Variants in RAB24 observed in about 807,000 individuals in gnomAD.
The protein encoded by RAB24 is ras-related protein Rab-24.
Under a neutral mutation model 31.4 loss-of-function variants are expected in RAB24, and 9 were observed. The observed-to-expected ratio is 0.29, with a 90% CI of 0.17 to 0.50. The LOEUF (loss-of-function observed/expected upper bound fraction) is 0.50, where lower values mean the gene tolerates loss of function less well. RAB24 is among the 20% of genes least tolerant of loss of function. RAB24 has a pLI of 0.98. For missense variants in RAB24, 197 were observed against 265.2 expected (o/e 0.74, Z 1.79); for synonymous variants, 106 against 94.1 (o/e 1.13, Z -0.73).
At position 177,302,590 on chromosome 5, in the gene RAB24, C is replaced by G. The variant is rs200543182; in HGVS notation, c.320G>C (p.Arg107Pro). ...CTGTTCACCTACCTCCTCTAGGCTG[C>G]GCAGTTCCTTCACCCAGAACTTTGC... ...ERAKFWVKEL[R>P]SLEEGCQIYL... The change falls in exon 4 of 8, where the codon CGC becomes CCC. Residue 107 changes from arginine (R) to proline (P), a missense_variant. By Grantham distance (103) the Arg-to-Pro change is moderately radical (BLOSUM62 -2). Transcript: ENST00000303251. 5 of 1,614,194 alleles carry G rather than the reference C, an allele frequency of 3.1e-6. No homozygotes were observed. The South Asian group carries it at 5.5e-5, about 18-fold the overall frequency.
chr5:177,302,170 C>T lies in RAB24; in HGVS notation c.442G>A (p.Ala148Thr). ...DVQDYADNIKAQLFETSSKTG... is the reference protein window; with the variant it reads ...DVQDYADNIKTQLFETSSKTG... ...TTGCTGGATGTTTCAAAGAGCTGAG[C>T]TTTGATATCTGTAAAGAGAAGTGAC... Residue 148 changes from alanine (A) to threonine (T), a missense_variant, in exon 6 of 8, where the codon GCT becomes ACT. This residue lies in a region of RAB24 where 148 missense variants were observed against 159.7 expected (regional missense o/e 0.93). Transcript: ENST00000303251. The T allele has an allele frequency of 6.2e-7, 1 of 1,614,158 alleles. No homozygotes were observed. Among genetic ancestry groups the T allele is most frequent in the Non-Finnish European group, 8.5e-7 (1 of 1,179,996 alleles).
At position 177,303,471 on chromosome 5, in the gene RAB24, C is replaced by T. The variant is rs1418123108; in HGVS notation, c.-183G>A. 3.2e-6 allele frequency: 2 copies of T among 617,406 alleles called. No individual in the cohort carries two copies. The highest frequency in any genetic ancestry group is 5.7e-6 in the Non-Finnish European group (2 of 351,572). 38.2% of individuals were successfully genotyped at this position (617,406 alleles called of 1,614,324 possible). The stretch of plus-strand genomic sequence containing the variant: ...GTGGCCTTGCACTTCGGCAGCGCCC[C>T]GTGTGCCCCCGCTGTTCGGCCCCGG... On this transcript the variant is annotated 5_prime_UTR_variant, in exon 1 of 8. Transcript: ENST00000303251. The surrounding 1 kb of genome is among the most constrained non-coding windows in gnomAD (Gnocchi z 6.1).
chr5:177,303,101 G>C lies in RAB24; in HGVS notation c.118-24C>G. ...GTCTGCAACGAGAGGGAAGAGATCG[G>C]GGCCATAGGTGCAGATTACCGGCCC... On this transcript the variant is annotated intron_variant, in intron 1 of 7. Transcript: ENST00000303251. The surrounding 1 kb of genome is among the most constrained non-coding windows in gnomAD (Gnocchi z 6.1). 6.2e-7 allele frequency: 1 copy of C among 1,613,960 alleles called. No homozygotes were observed. The highest frequency in any genetic ancestry group is 1.3e-5 in the African/African-American group (1 of 75,046).
rs1168992020 is a variant in RAB24, at chr5:177,303,220, C to G, written c.69G>C (p.Leu23=). The change falls in exon 1 of 8, where the codon CTG becomes CTC. Residue 23 remains leucine, a synonymous_variant. Coordinates refer to ENST00000303251, the MANE Select transcript of RAB24 (RefSeq NM_001031677.4). The surrounding 1 kb of genome is among the most constrained non-coding windows in gnomAD (Gnocchi z 6.1). ...AGCGGTCGTGCACGTAGCGCTCCAC[C>G]AGGCTAGTCTTGCCCACGTACTCCT... ...LGKEYVGKTS[L]VERYVHDRFL... is the part of the protein sequence containing the mutation. The G allele has an allele frequency of 1.8e-5, 29 of 1,613,746 alleles. 1 individual carries two copies. The highest frequency in any genetic ancestry group is 2.2e-5 in the Non-Finnish European group (26 of 1,180,048).
chr5:177,302,136 T>C lies in RAB24; in HGVS notation c.476A>G (p.Gln159Arg), dbSNP rs1294967508. 1.2e-6 allele frequency: 2 copies of C among 1,614,184 alleles called. No homozygotes were observed. Among genetic ancestry groups the C allele is most frequent in the East Asian group, 2.2e-5 (1 of 44,890 alleles). Residue 159 changes from glutamine to arginine, a missense_variant, in exon 6 of 8, where the codon CAG (glutamine) becomes CGG (arginine). Transcript: ENST00000303251. ...QLFETSSKTG[Q>R]SVDELFQKVA... The stretch of plus-strand genomic sequence containing the variant: ...TCCAGCACAGCACTCACCCACACTC[T>C]GGCCTGTCTTGCTGGATGTTTCAAA...
intron 2 of RAB24, 86 bp from the exon 3 acceptor site, chr5:177,302,916 T>C (rs1428636098): frequency 6.3e-7 from 1 of 1,592,170 alleles, no homozygotes; most frequent in African/African-American, 1.3e-5. Context: ...CTATGAGAAA[T>C]GGGTCTGTGA....
intron 3 of RAB24, 51 bp downstream of exon 3, chr5:177,302,701 C>T (rs748835963): frequency 2.5e-6 from 4 of 1,612,940 alleles, no homozygotes; most frequent in Non-Finnish European, 3.4e-6. Flanking sequence ...CTCTGGCTAG[C>T]CTGGCACCCA....
At chr5:177,302,059 C>A (rs1279688269) in intron 6 of RAB24, 69 bp downstream of exon 6, 2 of 1,610,276 alleles carry the variant, frequency 1.2e-6, no homozygotes, top group Non-Finnish European at 8.5e-7. Flanking sequence ...ACCCAGCCCT[C>A]TGTGCCCTAT....
chr5:177,302,240 G>A (rs1171333849), intron 5 of RAB24, 62 bp from the exon 6 acceptor site: 6 of 1,595,402 alleles, frequency 3.8e-6, no homozygotes, highest in Non-Finnish European at 5.2e-6. Flanking sequence ...AAAAGGGAGG[G>A]CTAGCAGTTC....
rs9313754 is a variant in RAB24, at chr5:177,303,677, C to G, written c.-389G>C. 0.19 allele frequency: 67,928 copies of G among 364,948 alleles called. 7,792 individuals carry two copies. The highest frequency in any genetic ancestry group is 0.43 in the East Asian group (8,891 of 20,570). 22.6% of individuals were successfully genotyped at this position (364,948 alleles called of 1,614,324 possible). ...GAACCTGGGGTCTCCCGCAACCCGG[C>G]TCCTACCCGCAGCGCCGCGACTCCC... On this transcript the variant is annotated 5_prime_UTR_variant, in exon 1 of 8. Coordinates refer to ENST00000303251, the MANE Select transcript of RAB24 (RefSeq NM_001031677.4). The surrounding 1 kb of genome is among the most constrained non-coding windows in gnomAD (Gnocchi z 6.1).
Position 177,303,609 on chromosome 5 carries a change from C to A in RAB24, c.-321G>T. 1 of 456,776 alleles carries A rather than the reference C, an allele frequency of 2.2e-6. No homozygotes were observed. The highest frequency in any genetic ancestry group is 3.9e-6 in the Non-Finnish European group (1 of 255,616). 28.3% of individuals were successfully genotyped at this position (456,776 alleles called of 1,614,324 possible). A position where few individuals can be genotyped will look rare whatever the true frequency, so the allele number is the denominator to read the frequency against. On this transcript the variant is annotated 5_prime_UTR_variant, in exon 1 of 8. Transcript: ENST00000303251. The surrounding 1 kb of genome is among the most constrained non-coding windows in gnomAD (Gnocchi z 6.1). ...GCAGCTCGCTACTCCGTCATTCGCT[C>A]GCCTGCCCGGCTTAAGCTCCGTTCT...
In RAB24 at chr5:177,303,277, C is replaced by T; in HGVS notation, c.12G>A (p.Gln4=). 6.2e-7 allele frequency: 1 copy of T among 1,613,734 alleles called. No homozygotes were observed. The highest frequency in any genetic ancestry group is 1.3e-5 in the African/African-American group (1 of 75,082). The change falls in exon 1 of 8, where the codon CAG becomes CAA. Residue 4 remains glutamine, a synonymous_variant. Coordinates refer to ENST00000303251, the MANE Select transcript of RAB24 (RefSeq NM_001031677.4). The surrounding 1 kb of genome is among the most constrained non-coding windows in gnomAD (Gnocchi z 6.1). MSG[Q]RVDVKVVMLG... ...GCATCACCACCTTGACGTCCACGCGCTGCCCGCTCATGCTCCCGGGGCCGC... is the reference window on the plus strand; with the variant it reads ...GCATCACCACCTTGACGTCCACGCGTTGCCCGCTCATGCTCCCGGGGCCGC...
At position 177,301,986 on chromosome 5, in the gene RAB24, G is replaced by C. The variant is rs768925902; in HGVS notation, c.486C>G (p.Asp162Glu). 9.3e-6 allele frequency: 15 copies of C among 1,614,164 alleles called. No homozygotes were observed. Among genetic ancestry groups the C allele is most frequent in the Admixed American group, 3.3e-5 (2 of 60,022 alleles). Reference sequence around the variant, plus strand: ...CCTCTGCCACTTTCTGGAAGAGCTCGTCTGGCAGGAAAAATGATGATCAGC... The same window carrying C: ...CCTCTGCCACTTTCTGGAAGAGCTCCTCTGGCAGGAAAAATGATGATCAGC... Reference protein sequence around the residue: ...ETSSKTGQSVDELFQKVAEDY... With the variant: ...ETSSKTGQSVEELFQKVAEDY... The change falls in exon 7 of 8, where the codon GAC becomes GAG. Residue 162 changes from aspartate to glutamate, a missense_variant and splice_region_variant. By Grantham distance (45) the Asp-to-Glu change is conservative. Transcript: ENST00000303251.
Position 177,302,191 on chromosome 5 carries a change from G to A in RAB24, c.434-13C>T, listed in dbSNP as rs1760697882. Reference sequence around the variant, plus strand: ...TGAGCTTTGATATCTGTAAAGAGAAGTGACTAAAGCCTCATACCTGAGAAT... The same window carrying A: ...TGAGCTTTGATATCTGTAAAGAGAAATGACTAAAGCCTCATACCTGAGAAT... On this transcript the variant is annotated splice_polypyrimidine_tract_variant and intron_variant, in intron 5 of 7. Coordinates refer to ENST00000303251, the MANE Select transcript of RAB24 (RefSeq NM_001031677.4). 6.2e-7 allele frequency: 1 copy of A among 1,613,876 alleles called. No homozygotes were observed. The highest frequency in any genetic ancestry group is 1.7e-5 in the Admixed American group (1 of 60,018).
At chr5:177,302,941 C>A (rs995348980) in intron 2 of RAB24, 68 bp downstream of exon 2, 12 of 1,589,348 alleles carry the variant, frequency 7.6e-6, no homozygotes, top group Admixed American at 1.7e-5. Context: ...ACAAATCAAC[C>A]AGTAATAGGC....
chr5:177,303,335 G>A lies in RAB24; in HGVS notation c.-47C>T, dbSNP rs1345970660. On this transcript the variant is annotated 5_prime_UTR_variant, in exon 1 of 8. Coordinates refer to ENST00000303251, the MANE Select transcript of RAB24 (RefSeq NM_001031677.4). This position sits in a 1 kb window ranked among gnomAD's most constrained non-coding sequence, Gnocchi z 6.1. ...ACGTCAGGGTCCTGAGCGGGGACGG[G>A]AGGCAAACCCCGATCTCCGCTCGGC... is the stretch of plus-strand genomic sequence containing the variant. 1.3e-6 allele frequency: 2 copies of A among 1,583,068 alleles called. No homozygotes were observed. The highest frequency in any genetic ancestry group is 1.7e-5 in the Admixed American group (1 of 59,880).
rs753062666 is a variant in RAB24, at chr5:177,302,193, G to A, written c.434-15C>T. On this transcript the variant is annotated splice_polypyrimidine_tract_variant and intron_variant, in intron 5 of 7. Transcript: ENST00000303251. ...AGCTTTGATATCTGTAAAGAGAAGT[G>A]ACTAAAGCCTCATACCTGAGAATTA... The A allele has an allele frequency of 9.9e-6, 16 of 1,613,798 alleles. No individual in the cohort carries two copies. The highest frequency in any genetic ancestry group is 1.4e-5 in the Non-Finnish European group (16 of 1,179,696).
In RAB24 at chr5:177,303,618, G is replaced by A. The variant is rs1040460749; in HGVS notation, c.-330C>T. The A allele has an allele frequency of 2.2e-6, 1 of 449,108 alleles. No homozygotes were observed. The highest frequency in any genetic ancestry group is 4.0e-6 in the Non-Finnish European group (1 of 250,914). The allele number at this position is 449,108 out of a possible 1,614,324, so 27.8% of individuals were successfully genotyped here. A position where few individuals can be genotyped will look rare whatever the true frequency, so the allele number is the denominator to read the frequency against. On this transcript the variant is annotated 5_prime_UTR_variant, in exon 1 of 8. Coordinates refer to ENST00000303251, the MANE Select transcript of RAB24 (RefSeq NM_001031677.4). This position sits in a 1 kb window ranked among gnomAD's most constrained non-coding sequence, Gnocchi z 6.1. ...TACTCCGTCATTCGCTCGCCTGCCC[G>A]GCTTAAGCTCCGTTCTGGCTGGGAA...
In RAB24 at chr5:177,302,735, A is replaced by ACCC; in HGVS notation, c.265+14_265+16dup. ...CATCTTTTCTTGTGAGACAGCCCAA[A>ACCC]CCCCCCCCCCCCTTACCATAGCAGA... On this transcript the variant is annotated intron_variant, in intron 3 of 7. Transcript: ENST00000303251. The ACCC allele has an allele frequency of 7.2e-7, 1 of 1,391,706 alleles. No homozygotes were observed. Among genetic ancestry groups the ACCC allele is most frequent in the Non-Finnish European group, 1.0e-6 (1 of 998,796 alleles). The allele number at this position is 1,391,706 out of a possible 1,614,324, so 86.2% of individuals were successfully genotyped here.
Sources: allele counts gnomAD v4.1 joint callset, GRCh38; gene constraint gnomAD v4.1.1; regional missense constraint gnomAD v4.1.1; non-coding constraint Gnocchi (gnomAD v3.1); transcripts MANE v1.5; gene names NCBI Gene and HGNC (gene_info 2026-07-23, HGNC 2026-07-21).